The following RTN4 variants were observed in gnomAD, a reference collection of about 807,000 sequenced individuals.
RTN4 encodes reticulon-4.
In RTN4, 32 loss-of-function variants were observed where a neutral mutation model predicts 90.4. The observed-to-expected ratio is 0.35, with a 90% CI of 0.27 to 0.48. The LOEUF (loss-of-function observed/expected upper bound fraction) is 0.48. Ranked by LOEUF, RTN4 falls within the 20% of genes least tolerant of loss-of-function variation. The pLI is 0.99. For synonymous variants in RTN4, 629 were observed against 552.5 expected, an observed-to-expected ratio of 1.14 and a Z score of -1.94; for missense variants, 1,706 against 1,430.2, an observed-to-expected ratio of 1.19 and a Z score of -3.11.
At chr2:55,028,415 C>T (rs1682068196) in intron 1 of RTN4, among the ~76,000 whole-genome samples, 195 bp from the exon 2 acceptor site, 1 of 152,034 alleles carries the variant, frequency 6.6e-6, no homozygotes, top group Admixed American at 6.6e-5. Context: ...TATTATAAAG[C>T]TAATTAAATG....
chr2:55,019,137 T>G (rs1001225125), intron 3 of RTN4, among the ~76,000 whole-genome samples: 1 of 151,974 alleles, frequency 6.6e-6, no homozygotes, highest in Non-Finnish European at 1.5e-5. Context: ...TCATAAACCA[T>G]TGGAAAGAAA....
chr2:55,054,181 G>A (rs1668149932), upstream of RTN4, among the ~76,000 whole-genome samples: 1 of 152,204 alleles, frequency 6.6e-6, no homozygotes, highest in African/African-American at 2.4e-5. Context: ...AAGATTGAAT[G>A]TAATTCAGAG....
the RTN4 span, among the ~76,000 whole-genome samples, chr2:55,130,992 C>A: frequency 6.6e-5 from 10 of 152,114 alleles, no homozygotes; most frequent in Non-Finnish European, 1.0e-4. Flanking sequence ...AGTCCTGGGC[C>A]CCCATCTGTC....
intron 2 of RTN4, among the ~76,000 whole-genome samples, chr2:55,070,298 C>T (rs956284523): frequency 4.0e-5 from 6 of 151,760 alleles, no homozygotes; most frequent in Non-Finnish European, 2.9e-5. Flanking sequence ...GTGGCTCGCA[C>T]CTGTAATTCC....
chr2:55,034,611 A>G (rs1315274369), intron 1 of RTN4, among the ~76,000 whole-genome samples: 2 of 152,240 alleles, frequency 1.3e-5, no homozygotes, highest in Admixed American at 6.5e-5. Flanking sequence ...CCTACAATAC[A>G]AGAAATGTTA....
chr2:55,125,000 T>G, the RTN4 span, among the ~76,000 whole-genome samples: 2 of 152,204 alleles, frequency 1.3e-5, no homozygotes, highest in Non-Finnish European at 2.9e-5. Flanking sequence ...CTGGGATAAC[T>G]GGCTAGCCAT....
intron 3 of RTN4, among the ~76,000 whole-genome samples, chr2:55,007,146 G>C (rs766422872): frequency 6.6e-6 from 1 of 152,084 alleles, no homozygotes; most frequent in Non-Finnish European, 1.5e-5. Flanking sequence ...CAAACTTCAT[G>C]TTGCCCCTTG....
At chr2:55,117,652 A>C in the RTN4 span, among the ~76,000 whole-genome samples, 30 of 152,384 alleles carry the variant, frequency 2.0e-4, no homozygotes, top group African/African-American at 6.0e-4. Flanking sequence ...GAAATCTCAC[A>C]GACAAAATAT....
rs140496729 is a variant in RTN4 at position 55,078,025 on chromosome 2, G to C, written c.-63+2464C>G. On this transcript the variant is annotated intron_variant, in intron 2 of 3. Coordinates refer to the RTN4 transcript ENST00000427710. ...GACTTTGGGGACTCAGGGGATTCAGGGGAAAGGGTGGGAGGGGGATGAGGG... is the reference window on the plus strand; with the variant it reads ...GACTTTGGGGACTCAGGGGATTCAGCGGAAAGGGTGGGAGGGGGATGAGGG... 8.0e-3 allele frequency among the ~76,000 whole-genome samples: 1,210 copies of C among 152,026 alleles called. 13 individuals are homozygous for C. The highest frequency in any genetic ancestry group is 0.028 in the African/African-American group (1,160 of 41,438).
chr2:54,986,673 C>A (rs997950292), intron 4 of RTN4, among the ~76,000 whole-genome samples: 9 of 152,132 alleles, frequency 5.9e-5, no homozygotes, highest in Non-Finnish European at 8.8e-5. Flanking sequence ...TAGAAATTAA[C>A]AAGTTTGAGG....
intron 2 of RTN4, among the ~76,000 whole-genome samples, chr2:55,075,394 G>A (rs982758792): frequency 6.6e-6 from 1 of 152,150 alleles, no homozygotes; most frequent in African/African-American, 2.4e-5. Flanking sequence ...GGAGGTGAAA[G>A]GCCATTACGA....
At chr2:55,039,097 G>T (rs570478047) in intron 1 of RTN4, among the ~76,000 whole-genome samples, 3 of 152,154 alleles carry the variant, frequency 2.0e-5, no homozygotes, top group Non-Finnish European at 4.4e-5. Flanking sequence ...TTGGTGTTGC[G>T]GGTAGGAACC....
At chr2:55,030,899 T>C (rs1469486171) in intron 1 of RTN4, among the ~76,000 whole-genome samples, 4 of 152,148 alleles carry the variant, frequency 2.6e-5, no homozygotes, top group Non-Finnish European at 5.9e-5. Context: ...GCAGAAATAT[T>C]GCATTGATCA....
chr2:54,978,725 C>A (rs1030527554), intron 5 of RTN4, among the ~76,000 whole-genome samples: 8 of 151,928 alleles, frequency 5.3e-5, no homozygotes, highest in African/African-American at 1.5e-4. Context: ...CAATGTAATT[C>A]CAATAAAAAG....
At chr2:55,018,183 T>G (rs1681181305) in intron 3 of RTN4, among the ~76,000 whole-genome samples, 1 of 152,232 alleles carries the variant, frequency 6.6e-6, no homozygotes, top group Admixed American at 6.5e-5. Context: ...GGTGAAGACC[T>G]AAATGAAACA....
chr2:55,042,325 A>G (rs1378393485), intron 1 of RTN4, among the ~76,000 whole-genome samples: 3 of 152,168 alleles, frequency 2.0e-5, no homozygotes, highest in Non-Finnish European at 4.4e-5. Context: ...ATTCCCAAAG[A>G]AGTGTATACA....
intron 2 of RTN4, among the ~76,000 whole-genome samples, chr2:55,063,932 G>C (rs1465453018): frequency 6.7e-6 from 1 of 149,866 alleles, no homozygotes; most frequent in Non-Finnish European, 1.5e-5. Context: ...CAACAAAACT[G>C]AAAGCAGGCC....
chr2:55,077,756 TACACACACACACACACACAC>T (rs200121610), intron 2 of RTN4, among the ~76,000 whole-genome samples: 3 of 144,350 alleles, frequency 2.1e-5, no homozygotes, highest in Non-Finnish European at 4.5e-5. Flanking sequence ...AAATGTTTTA[TACACACACACACACACACAC>T]ACACACACAC....
chr2:55,104,910 G>A (rs1055547460), intron 1 of RTN4, among the ~76,000 whole-genome samples: 2 of 151,170 alleles, frequency 1.3e-5, no homozygotes, highest in South Asian at 2.1e-4. Flanking sequence ...GGGCTCAAGC[G>A]ATCTCCCCAC....
Sources: gnomAD v4.1 joint callset for allele counts (sites outside exome capture counted in the v4.1 genomes callset) on GRCh38, gnomAD v4.1.1 for gene constraint, MANE v1.5 for transcripts, NCBI Gene and HGNC (gene_info 2026-07-23, HGNC 2026-07-21) for gene names.